CPAMD8: variants seen among roughly 807,000 people sequenced by gnomAD.
CPAMD8 encodes the protein C3 and PZP-like alpha-2-macroglobulin domain-containing protein 8.
In CPAMD8, 146 loss-of-function variants were observed where a neutral mutation model predicts 224.7. The observed-to-expected ratio is 0.65, with a 90% CI of 0.57 to 0.75. The LOEUF is 0.75. CPAMD8 is among the 30% of genes least tolerant of loss of function. The pLI, the probability that CPAMD8 is intolerant of heterozygous loss-of-function variation, is 0.00. For missense variants in CPAMD8, 2,301 were observed against 2,537.5 expected, an observed-to-expected ratio of 0.91 and a Z score of 2.00; for synonymous variants, 966 against 1,044.6, an observed-to-expected ratio of 0.92 and a Z score of 1.45.
At chr19:16,982,172 T>C (rs968352564) in intron 13 of CPAMD8, among the ~76,000 whole-genome samples, 5 of 151,952 alleles carry the variant, frequency 3.3e-5, no homozygotes, top group African/African-American at 4.8e-5. Context: ...GGCGAGAGGA[T>C]TGCTTGAGTC....
intron 19 of CPAMD8, chr19:16,957,614 G>A: frequency 1.9e-6 from 1 of 524,398 alleles, no homozygotes; most frequent in Non-Finnish European, 3.4e-6. Flanking sequence ...AACCCCAAGA[G>A]GGAGTTATAA....
At chr19:16,948,860 GGGAAAGGAAA>G (rs1316427261) in intron 20 of CPAMD8, among the ~76,000 whole-genome samples, 7 of 79,208 alleles carry the variant, frequency 8.8e-5, no homozygotes, top group Admixed American at 2.8e-4. Context: ...AGGGAAGGGA[GGGAAAGGAAA>G]GGGAAGGGAA....
chr19:17,021,401 A>C (rs746302372), intron 2 of CPAMD8, among the ~76,000 whole-genome samples: 1 of 152,120 alleles, frequency 6.6e-6, no homozygotes, highest in Admixed American at 6.5e-5. Context: ...ACACCTCCCT[A>C]AGAGACAAGT....
chr19:17,022,224 C>T, intron 1 of CPAMD8, 43 bp from the exon 2 acceptor site: 1 of 1,586,024 alleles, frequency 6.3e-7, no homozygotes, highest in Non-Finnish European at 8.6e-7. Context: ...ACCCCAGACC[C>T]CTGGTCTCGC....
At position 16,896,235 on chromosome 19, in the gene CPAMD8, A is replaced by T. The variant is rs772038215; in HGVS notation, c.5367T>A (p.Asn1789Lys). 1.2e-6 allele frequency: 2 copies of T among 1,613,688 alleles called. No homozygotes were observed. Among genetic ancestry groups the T allele is most frequent in the South Asian group, 2.2e-5 (2 of 91,082 alleles). ...PGPLQQDVKL[N>K]GAGLEVEDSD... ...AGTCCTCCACCTCAAGGCCGGCTCC[A>T]TTCAGCTTCACGTCCTGCTGTAAAG... The change falls in exon 41 of 42, where the codon AAT (asparagine) becomes AAA (lysine). Residue 1789 changes from asparagine to lysine, a missense_variant. By Grantham distance (94) the Asn-to-Lys change is moderately conservative. Transcript: ENST00000443236.
In CPAMD8 at chr19:16,897,777, T is replaced by C. The variant is rs2052083167; in HGVS notation, c.4979A>G (p.Asn1660Ser). The stretch of plus-strand genomic sequence containing the variant: ...GGCGAGTGGGCTGTGGGTGCTGACG[T>C]TGTAGAAGCGAGTGGCCTCGAAGGC... ...EPAFEATRFY[N>S]VSTHSPLARE... is the part of the protein sequence containing the mutation. Residue 1660 changes from asparagine to serine, a missense_variant, in exon 39 of 42, where the codon AAC becomes AGC. Coordinates refer to ENST00000443236, the MANE Select transcript of CPAMD8 (RefSeq NM_015692.5). 1.3e-6 allele frequency: 2 copies of C among 1,586,678 alleles called. No homozygotes were observed. The highest frequency in any genetic ancestry group is 8.6e-7 in the Non-Finnish European group (1 of 1,168,392).
intron 29 of CPAMD8, 112 bp downstream of exon 29, chr19:16,914,312 G>T: frequency 1.3e-6 from 1 of 799,070 alleles, no homozygotes; most frequent in Non-Finnish European, 2.1e-6. Context: ...CCTCGATAAT[G>T]AGCAGAAGGA....
chr19:16,995,235 C>A (rs539142672), intron 11 of CPAMD8, among the ~76,000 whole-genome samples: 9 of 152,284 alleles, frequency 5.9e-5, no homozygotes, highest in Admixed American at 5.2e-4. Flanking sequence ...GTTAGGACAG[C>A]CAGCCAGCAT....
chr19:16,898,014 GCAGGCTC>G lies in CPAMD8; in HGVS notation c.4849-27_4849-21del, dbSNP rs763210851. The G allele has an allele frequency of 2.1e-5, 34 of 1,586,612 alleles. No individual in the cohort carries two copies. In the Admixed American group the frequency reaches 6.0e-4, roughly 28 times the overall value. On this transcript the variant is annotated intron_variant, in intron 37 of 41. Transcript: ENST00000443236. The surrounding 1 kb of genome is among the most constrained non-coding windows in gnomAD (Gnocchi z 4.2). The stretch of plus-strand genomic sequence containing the variant: ...GGGGATCTGTGGGGCAGCGGCGGGC[GCAGGCTC>G]GACCCGGGCCAGGAGGCCCGGGGCG...
rs750739726 is a variant in CPAMD8, at chr19:17,017,210, G to C, written c.267+3121C>G. ...TCTTTATGACAATCTAATGCCTGAT[G>C]ATCTGTTACTGTCTCACATCACCCC... On this transcript the variant is annotated intron_variant, in intron 3 of 41. Coordinates refer to ENST00000443236, the MANE Select transcript of CPAMD8 (RefSeq NM_015692.5). Among the ~76,000 whole-genome samples the C allele has an allele frequency of 9.2e-5, 14 of 152,300 alleles. No individual in the cohort carries two copies. The Middle Eastern group carries it at 0.01, about 111-fold the overall frequency.
At chr19:16,950,591 C>T (rs2054266154) in intron 20 of CPAMD8, among the ~76,000 whole-genome samples, 1 of 151,860 alleles carries the variant, frequency 6.6e-6, no homozygotes, top group African/African-American at 2.4e-5. Context: ...GAGTTCAAGA[C>T]CAGCCTGAGC....
intron 22 of CPAMD8, among the ~76,000 whole-genome samples, chr19:16,939,149 T>TTTTATTTATTTA (rs35025434): frequency 4.1e-5 from 6 of 146,798 alleles, no homozygotes; most frequent in Non-Finnish European, 6.0e-5. Flanking sequence ...GGATGGTCAA[T>TTTTATTTATTTA]TTTATTTATT....
At chr19:17,020,925 C>A (rs1211016937) in intron 2 of CPAMD8, among the ~76,000 whole-genome samples, 2 of 152,014 alleles carry the variant, frequency 1.3e-5, no homozygotes, top group African/African-American at 4.8e-5. Flanking sequence ...GCACACAACG[C>A]ACGTGGCTCC....
intron 17 of CPAMD8, among the ~76,000 whole-genome samples, chr19:16,973,861 G>C (rs9676671): frequency 0.34 from 46,228 of 135,842 alleles, 10,122 homozygotes; most frequent in African/African-American, 0.63. Context: ...GACGGAGTCT[G>C]GCTCTGTCAC....
At position 16,971,008 on chromosome 19, in the gene CPAMD8, T is replaced by A. The variant is rs368796495; in HGVS notation, c.2096A>T (p.Asp699Val). The A allele has an allele frequency of 5.0e-5, 81 of 1,611,248 alleles. No homozygotes were observed. Among genetic ancestry groups the A allele is most frequent in the Non-Finnish European group, 6.6e-5 (78 of 1,178,754 alleles). ...FTETGLVVMTDRVSLNHRQDG... is the reference protein window; with the variant it reads ...FTETGLVVMTVRVSLNHRQDG... ...CTGCCGGTGGTTCAGGCTCACTCGG[T>A]CGGTCATCACCACCAGTCCCGTTTC... Residue 699 changes from aspartate to valine, a missense_variant, in exon 18 of 42, where the codon GAC becomes GTC. By Grantham distance (152) the Asp-to-Val change is radical. Around this residue, in one of 4 missense-constraint regions of CPAMD8, gnomAD observed 1,709 missense variants for 1,753.2 expected, o/e 0.97. Coordinates refer to ENST00000443236, the MANE Select transcript of CPAMD8 (RefSeq NM_015692.5).
intron 29 of CPAMD8, among the ~76,000 whole-genome samples, chr19:16,913,503 C>T (rs2052806546): frequency 6.6e-6 from 1 of 152,060 alleles, no homozygotes; most frequent in Admixed American, 6.6e-5. Flanking sequence ...GGAAGAGAGC[C>T]CTCACCAAGA....
At chr19:16,986,452 G>A (rs2055724490) in intron 13 of CPAMD8, among the ~76,000 whole-genome samples, 1 of 152,140 alleles carries the variant, frequency 6.6e-6, no homozygotes, top group South Asian at 2.1e-4. Context: ...GTCCCCTGAG[G>A]AGGAGGCCAG....
chr19:16,910,117 G>C (rs186751331), intron 29 of CPAMD8, among the ~76,000 whole-genome samples: 37 of 152,186 alleles, frequency 2.4e-4, no homozygotes, highest in Non-Finnish European at 5.1e-4. Flanking sequence ...CTCCCAAAGT[G>C]CTGAGATTAT....
intron 17 of CPAMD8, among the ~76,000 whole-genome samples, chr19:16,972,175 G>A (rs1391897933): frequency 6.6e-6 from 1 of 152,118 alleles, no homozygotes; most frequent in Admixed American, 6.6e-5. Context: ...ATTAGTATTA[G>A]TATTATTAGA....
Sources: allele counts gnomAD v4.1 joint callset (sites outside exome capture counted in the v4.1 genomes callset), GRCh38; gene constraint gnomAD v4.1.1; regional missense constraint gnomAD v4.1.1; non-coding constraint Gnocchi (gnomAD v3.1); transcripts MANE v1.5; gene names NCBI Gene and HGNC (gene_info 2026-07-23, HGNC 2026-07-21).